TBL1XR1: variants seen among roughly 807,000 people sequenced by gnomAD.
TBL1XR1 encodes F-box-like/WD repeat-containing protein TBL1XR1.
TBL1XR1 carries 5 observed loss-of-function variants against 66.9 expected under a neutral mutation model. The observed-to-expected ratio is 0.07, with a 90% CI of 0.04 to 0.16. The LOEUF (loss-of-function observed/expected upper bound fraction) is 0.16, where lower values mean the gene tolerates loss of function less well. TBL1XR1 is among the 10% of genes least tolerant of loss of function. The probability of loss-of-function intolerance (pLI) is 1.00; values close to 1 mark genes in which losing one functional copy is unlikely to be tolerated. For synonymous variants in TBL1XR1, 210 were observed against 206.0 expected (o/e 1.02, Z -0.17); for missense variants, 238 against 623.2 (o/e 0.38, Z 6.58).
chr3:177,022,625 C>G lies in TBL1XR1; in HGVS notation c.*2873G>C, dbSNP rs1186944055. 3 of 152,388 alleles carry G rather than the reference C, an allele frequency of 2.0e-5. No homozygotes were observed. The allele number at this position is 152,388 out of a possible 1,614,324, so 9.4% of individuals were successfully genotyped here. A position where few individuals can be genotyped will look rare whatever the true frequency, so the allele number is the denominator to read the frequency against. On this transcript the variant is annotated 3_prime_UTR_variant, in exon 16 of 16. Transcript: ENST00000457928. ...TTTCTTACAGTAGCTTATACAACAACAAATAGCATAGAAAAACTACTGGAT... is the reference window on the plus strand; with the variant it reads ...TTTCTTACAGTAGCTTATACAACAAGAAATAGCATAGAAAAACTACTGGAT...
chr3:177,135,310 T>TCTGTGTGTGTGTGA (rs1728811320), intron 1 of TBL1XR1, among the ~76,000 whole-genome samples: 1 of 72,974 alleles, frequency 1.4e-5, no homozygotes, highest in African/African-American at 5.3e-5. Flanking sequence ...CCGCACTCTG[T>TCTGTGTGTGTGTGA]GTGTGTGTGT....
At chr3:177,093,290 G>A (rs900246355) in intron 2 of TBL1XR1, among the ~76,000 whole-genome samples, 1 of 152,052 alleles carries the variant, frequency 6.6e-6, no homozygotes, top group African/African-American at 2.4e-5. Flanking sequence ...CCTCTACAAG[G>A]AAAACTACAA....
At chr3:177,108,763 A>G (rs1207829327) in intron 1 of TBL1XR1, among the ~76,000 whole-genome samples, 1 of 152,200 alleles carries the variant, frequency 6.6e-6, no homozygotes, top group Non-Finnish European at 1.5e-5. Context: ...TGGTATTTTT[A>G]TTAATGCAAA....
chr3:177,166,810 C>T (rs1470500678), intron 1 of TBL1XR1, among the ~76,000 whole-genome samples: 1 of 152,154 alleles, frequency 6.6e-6, no homozygotes, highest in Non-Finnish European at 1.5e-5. Flanking sequence ...TCACTACACA[C>T]CTATTAGAAT....
chr3:177,066,823 G>A (rs1489871868), intron 2 of TBL1XR1, among the ~76,000 whole-genome samples: 2 of 152,280 alleles, frequency 1.3e-5, no homozygotes, highest in South Asian at 2.1e-4. Flanking sequence ...ACAACTGAAC[G>A]GTTGGTACTG....
intron 14 of TBL1XR1, among the ~76,000 whole-genome samples, chr3:177,031,019 G>A (rs1713908642): frequency 6.6e-6 from 1 of 152,170 alleles, no homozygotes; most frequent in Admixed American, 6.5e-5. Context: ...GGCTGAGGCA[G>A]GAGAATCGCT....
chr3:177,136,854 T>C (rs1729053862), intron 1 of TBL1XR1, among the ~76,000 whole-genome samples: 2 of 152,210 alleles, frequency 1.3e-5, no homozygotes, highest in South Asian at 4.1e-4. Context: ...TTTTCAAAAA[T>C]GTTTCCCTGC....
chr3:177,025,737 G>C (rs1348859006), intron 15 of TBL1XR1, among the ~76,000 whole-genome samples: 1 of 152,062 alleles, frequency 6.6e-6, no homozygotes, highest in Non-Finnish European at 1.5e-5. Context: ...AAACTGTGGG[G>C]GAAGAACCAC....
Position 177,069,799 on chromosome 3 carries a change from A to AG in TBL1XR1, c.-45-4778dup, listed in dbSNP as rs1192011654. Among the ~76,000 whole-genome samples, 83 of 94,248 alleles carry AG rather than the reference A, an allele frequency of 8.8e-4. 1 individual carries two copies. Among genetic ancestry groups the AG allele is most frequent in the Middle Eastern group, 4.5e-3 (1 of 224 alleles). 61.8% of individuals were successfully genotyped at this position (94,248 alleles called of 152,430 possible). On this transcript the variant is annotated intron_variant, in intron 2 of 15. Transcript: ENST00000457928. ...AAAGGAAGGAAAAGGAAGGAAAGGAAGGAAGGAAGGAAGGAAGGAAGGAAG... is the reference window on the plus strand; with the variant it reads ...AAAGGAAGGAAAAGGAAGGAAAGGAAGGGAAGGAAGGAAGGAAGGAAGGAAG...
In TBL1XR1 at chr3:177,038,316, A is replaced by G; in HGVS notation, c.1044T>C (p.His348=). Residue 348 remains histidine, a synonymous_variant, in exon 11 of 16, where the codon CAT becomes CAC. Coordinates refer to ENST00000457928, the MANE Select transcript of TBL1XR1 (RefSeq NM_024665.7). Reference sequence around the variant, plus strand: ...ATGTGGAAAAAAGGTTTCTTACCGTATGTCCTTGGAATGTTTTAATAGGTC... The same window carrying G: ...ATGTGGAAAAAAGGTTTCTTACCGTGTGTCCTTGGAATGTTTTAATAGGTC... ...QDRPIKTFQG[H]TNEVNAIKWD... 6.3e-7 allele frequency: 1 copy of G among 1,596,466 alleles called. No homozygotes were observed. Among genetic ancestry groups the G allele is most frequent in the Non-Finnish European group, 8.5e-7 (1 of 1,170,280 alleles).
chr3:177,074,252 C>T (rs1335948813), intron 2 of TBL1XR1, among the ~76,000 whole-genome samples: 3 of 152,148 alleles, frequency 2.0e-5, no homozygotes, highest in Admixed American at 2.0e-4. Context: ...AATAGAGAGG[C>T]ATATGTGTTT....
Position 177,025,120 on chromosome 3 carries a change from T to A in TBL1XR1, c.*378A>T, listed in dbSNP as rs1712922176. The A allele has an allele frequency of 4.9e-6, 1 of 202,124 alleles. No homozygotes were observed. Among genetic ancestry groups the A allele is most frequent in the South Asian group, 1.7e-4 (1 of 5,870 alleles). 12.5% of individuals were successfully genotyped at this position (202,124 alleles called of 1,614,324 possible). A position where few individuals can be genotyped will look rare whatever the true frequency, so the allele number is the denominator to read the frequency against. On this transcript the variant is annotated 3_prime_UTR_variant, in exon 16 of 16. Coordinates refer to ENST00000457928, the MANE Select transcript of TBL1XR1 (RefSeq NM_024665.7). The stretch of plus-strand genomic sequence containing the variant: ...TACTGAAGGGAAAAAAAGAATATAA[T>A]CCATGGTGTCTGCTGATTCAAAGGG...
intron 2 of TBL1XR1, among the ~76,000 whole-genome samples, chr3:177,070,642 A>T (rs1459612106): frequency 2.6e-5 from 4 of 152,184 alleles, no homozygotes; most frequent in Non-Finnish European, 5.9e-5. Flanking sequence ...TGAGGTCAGG[A>T]GTTCAGGGCC....
intron 1 of TBL1XR1, among the ~76,000 whole-genome samples, chr3:177,112,063 A>G (rs1379113052): frequency 7.6e-6 from 1 of 131,010 alleles, no homozygotes; most frequent in African/African-American, 2.8e-5. Flanking sequence ...GACAACAAAG[A>G]TATAAAATCA....
chr3:177,055,706 C>A (rs984864475), intron 3 of TBL1XR1, among the ~76,000 whole-genome samples: 10 of 152,018 alleles, frequency 6.6e-5, no homozygotes, highest in African/African-American at 2.4e-4. Context: ...AGAGACATAG[C>A]AGTAAAATCC....
chr3:177,126,087 C>T (rs912454450), intron 1 of TBL1XR1: 2 of 151,966 alleles, frequency 1.3e-5, no homozygotes. Context: ...TTGTATCATT[C>T]CAATTTTAAC....
rs1158503217 is a variant in TBL1XR1 at position 177,021,174 on chromosome 3, A to C, written c.*4324T>G. On this transcript the variant is annotated 3_prime_UTR_variant, in exon 16 of 16. Coordinates refer to ENST00000457928, the MANE Select transcript of TBL1XR1 (RefSeq NM_024665.7). ...AAAGGATTTGTAAAAACAAAAATGG[A>C]AACAGTATAGCTACAATGTCAAAGT... 1.3e-5 allele frequency: 2 copies of C among 152,410 alleles called. No homozygotes were observed. Among genetic ancestry groups the C allele is most frequent in the Admixed American group, 1.3e-4 (2 of 15,274 alleles). The allele number at this position is 152,410 out of a possible 1,614,324, so 9.4% of individuals were successfully genotyped here.
chr3:177,033,787 G>A (rs1475060471), intron 13 of TBL1XR1, among the ~76,000 whole-genome samples: 1 of 152,142 alleles, frequency 6.6e-6, no homozygotes, highest in Non-Finnish European at 1.5e-5. Context: ...CAGTGACTTG[G>A]ATAGAGCTGG....
upstream of TBL1XR1, among the ~76,000 whole-genome samples, chr3:177,197,803 G>C (rs1737104189): frequency 6.8e-6 from 1 of 147,492 alleles, no homozygotes; most frequent in Non-Finnish European, 1.5e-5. Context: ...TAAAAATCAG[G>C]CGAGCCCCGC....
Sources: gnomAD v4.1 joint callset for allele counts (sites outside exome capture counted in the v4.1 genomes callset) on GRCh38, gnomAD v4.1.1 for gene constraint, MANE v1.5 for transcripts, NCBI Gene and HGNC (gene_info 2026-07-23, HGNC 2026-07-21) for gene names.